Variants in ADARB2 observed in about 807,000 individuals in gnomAD.
ADARB2 encodes the protein adenosine deaminase RNA specific B2 (inactive).
Under a neutral mutation model 62.2 loss-of-function variants are expected in ADARB2, and 25 were observed. The ratio of observed to expected loss-of-function variants is 0.40; its 90% confidence interval spans 0.29 to 0.56. The LOEUF (loss-of-function observed/expected upper bound fraction) is 0.56, where lower values mean the gene tolerates loss of function less well. Ranked by LOEUF, ADARB2 falls within the 20% of genes least tolerant of loss-of-function variation. ADARB2 has a pLI of 0.43. For missense variants in ADARB2, 1,071 were observed against 1,077.4 expected, an observed-to-expected ratio of 0.99 and a Z score of 0.08; for synonymous variants, 572 against 500.8, an observed-to-expected ratio of 1.14 and a Z score of -1.90.
At chr10:1,691,669 T>C (rs1009730806) in intron 1 of ADARB2, among the ~76,000 whole-genome samples, 2 of 152,188 alleles carry the variant, frequency 1.3e-5, no homozygotes, top group East Asian at 3.8e-4. Flanking sequence ...GCTCCTAGAA[T>C]CATTTCAGGC....
chr10:1,436,381 CACTT>C (rs1422235352), intron 1 of ADARB2, among the ~76,000 whole-genome samples: 5 of 152,314 alleles, frequency 3.3e-5, no homozygotes, highest in East Asian at 1.9e-4. Context: ...TTAACGATCA[CACTT>C]ACTTCTCGTG....
At chr10:1,716,400 G>A (rs946421940) in intron 1 of ADARB2, among the ~76,000 whole-genome samples, 4 of 152,250 alleles carry the variant, frequency 2.6e-5, no homozygotes, top group Non-Finnish European at 1.5e-5. Flanking sequence ...AGTAAAAATT[G>A]TAGATTACTT....
chr10:1,396,531 TC>T (rs1484745100), intron 1 of ADARB2, among the ~76,000 whole-genome samples: 2 of 151,638 alleles, frequency 1.3e-5, no homozygotes, highest in Non-Finnish European at 2.9e-5. Flanking sequence ...CTCCCTGCCA[TC>T]CCCGCCTGCA....
intron 1 of ADARB2, among the ~76,000 whole-genome samples, chr10:1,454,183 C>T (rs1239655122): frequency 6.6e-6 from 1 of 152,070 alleles, no homozygotes; most frequent in Non-Finnish European, 1.5e-5. Flanking sequence ...CTTTATTAAA[C>T]CATCAGATCT....
At chr10:1,573,660 T>C (rs971557651) in intron 1 of ADARB2, among the ~76,000 whole-genome samples, 3 of 152,144 alleles carry the variant, frequency 2.0e-5, no homozygotes, top group African/African-American at 7.2e-5. Flanking sequence ...GAGCTCAGTG[T>C]CCTTGGGAGG....
At chr10:1,290,066 C>T (rs1831451280) in intron 3 of ADARB2, 1 of 152,338 alleles carries the variant, frequency 6.6e-6, no homozygotes, top group African/African-American at 2.4e-5. Flanking sequence ...AGTAAAGAAT[C>T]CATCTAGGGA....
intron 1 of ADARB2, among the ~76,000 whole-genome samples, chr10:1,474,311 G>T (rs1406931767): frequency 6.6e-6 from 1 of 152,206 alleles, no homozygotes; most frequent in South Asian, 2.1e-4. Context: ...GCATGGCCCT[G>T]GGGAGGGTGA....
intron 1 of ADARB2, among the ~76,000 whole-genome samples, chr10:1,584,962 A>G (rs1833154780): frequency 6.6e-6 from 1 of 152,208 alleles, no homozygotes; most frequent in African/African-American, 2.4e-5. Flanking sequence ...GGGGAGGTAA[A>G]CAAGTGGAGT....
chr10:1,185,245 G>A (rs1374032768), intron 8 of ADARB2, among the ~76,000 whole-genome samples: 2 of 152,236 alleles, frequency 1.3e-5, no homozygotes, highest in African/African-American at 2.4e-5. Flanking sequence ...GGTCCACGGC[G>A]TCGCTGCACC....
intron 1 of ADARB2, among the ~76,000 whole-genome samples, chr10:1,568,832 A>ATCTATCTATCTATCTG (rs1832895188): frequency 6.6e-6 from 1 of 151,522 alleles, no homozygotes; most frequent in African/African-American, 2.4e-5. Context: ...CTATCTATCT[A>ATCTATCTATCTATCTG]TCTATCTATC....
chr10:1,289,237 G>T (rs1248398356), intron 3 of ADARB2, among the ~76,000 whole-genome samples: 1 of 152,170 alleles, frequency 6.6e-6, no homozygotes, highest in Non-Finnish European at 1.5e-5. Context: ...CCGCTGCTTT[G>T]AGTTGTCCCG....
chr10:1,262,607 T>C (rs1422588210), intron 4 of ADARB2, among the ~76,000 whole-genome samples: 14 of 152,010 alleles, frequency 9.2e-5, no homozygotes, highest in Non-Finnish European at 1.6e-4. Flanking sequence ...GTTAGAATGG[T>C]GATCATTAAA....
chr10:1,261,542 T>A (rs1479794210), intron 4 of ADARB2, among the ~76,000 whole-genome samples: 1 of 150,136 alleles, frequency 6.7e-6, no homozygotes, highest in Non-Finnish European at 1.5e-5. Context: ...AAAAGACACA[T>A]GAAAAAATGC....
At chr10:1,728,414 G>A (rs1835192842) in intron 1 of ADARB2, among the ~76,000 whole-genome samples, 1 of 152,166 alleles carries the variant, frequency 6.6e-6, no homozygotes, top group African/African-American at 2.4e-5. Flanking sequence ...ATATTAGACT[G>A]CTGCTGTTCT....
chr10:1,280,301 C>T (rs1054344622), intron 3 of ADARB2, among the ~76,000 whole-genome samples: 5 of 152,176 alleles, frequency 3.3e-5, no homozygotes, highest in Admixed American at 6.5e-5. Context: ...GTCACCTGAG[C>T]GGCTCCCTTT....
At chr10:1,524,816 C>T (rs1832120303) in intron 1 of ADARB2, among the ~76,000 whole-genome samples, 1 of 152,054 alleles carries the variant, frequency 6.6e-6, no homozygotes, top group East Asian at 1.9e-4. Flanking sequence ...AGCGGTGACA[C>T]AAAGGCCTGT....
At chr10:1,635,523 T>C (rs966940613) in intron 1 of ADARB2, among the ~76,000 whole-genome samples, 1 of 152,190 alleles carries the variant, frequency 6.6e-6, no homozygotes, top group Non-Finnish European at 1.5e-5. Context: ...CTGCCTAGTG[T>C]TGCGTTGAAA....
chr10:1,267,028 G>A (rs1245676838), intron 4 of ADARB2, among the ~76,000 whole-genome samples: 9 of 151,854 alleles, frequency 5.9e-5, no homozygotes, highest in East Asian at 1.9e-4. Context: ...ACAAAAATGC[G>A]TGTAAATGAA....
intron 1 of ADARB2, among the ~76,000 whole-genome samples, chr10:1,434,488 C>T: frequency 6.6e-6 from 1 of 152,126 alleles, no homozygotes; most frequent in African/African-American, 2.4e-5. Flanking sequence ...GAAGCCAGTG[C>T]CCTTATACAA....
Sources: gnomAD v4.1 joint callset for allele counts (sites outside exome capture counted in the v4.1 genomes callset) on GRCh38, gnomAD v4.1.1 for gene constraint, MANE v1.5 for transcripts, NCBI Gene and HGNC (gene_info 2026-07-23, HGNC 2026-07-21) for gene names.